Variants in SRBD1 observed in about 807,000 individuals in gnomAD.
SRBD1 encodes the protein S1 RNA-binding domain-containing protein 1.
Under a neutral mutation model 115.3 loss-of-function variants are expected in SRBD1, and 88 were observed. The observed-to-expected ratio is 0.76, with a 90% CI of 0.64 to 0.91. SRBD1 has a LOEUF of 0.91. SRBD1 is among the 40% of genes least tolerant of loss of function. The probability of loss-of-function intolerance (pLI) is 0.00; values close to 1 mark genes in which losing one functional copy is unlikely to be tolerated. For missense variants in SRBD1, 1,385 were observed against 1,177.4 expected, an observed-to-expected ratio of 1.18 and a Z score of -2.58; for synonymous variants, 509 against 407.7, an observed-to-expected ratio of 1.25 and a Z score of -2.99.
intron 19 of SRBD1, among the ~76,000 whole-genome samples, chr2:45,411,769 T>TATTAA (rs1321696777): frequency 6.6e-6 from 1 of 152,224 alleles, no homozygotes; most frequent in Non-Finnish European, 1.5e-5. Context: ...AAGTATTTAG[T>TATTAA]GCAAAGTGTA....
At chr2:45,517,152 T>A (rs1410061510) in intron 14 of SRBD1, among the ~76,000 whole-genome samples, 1 of 152,174 alleles carries the variant, frequency 6.6e-6, no homozygotes, top group Non-Finnish European at 1.5e-5. Context: ...CATATAATCA[T>A]CATAATTAAA....
chr2:45,523,158 C>T (rs1202736198), intron 14 of SRBD1, among the ~76,000 whole-genome samples: 1 of 150,202 alleles, frequency 6.7e-6, no homozygotes, highest in Non-Finnish European at 1.5e-5. Flanking sequence ...ACACAACATA[C>T]CAAAACTTAA....
rs1469251467 is a variant in SRBD1 at position 45,585,789 on chromosome 2, T to C, written c.649-15A>G. On this transcript the variant is annotated splice_polypyrimidine_tract_variant and intron_variant, in intron 4 of 20. Coordinates refer to ENST00000263736, the MANE Select transcript of SRBD1 (RefSeq NM_018079.5). ...TCAGATAAAACCTGCAAATTAAAGA[T>C]ACTTAGTGATTTAAAATGCTGAAAA... The C allele has an allele frequency of 6.4e-7, 1 of 1,568,418 alleles. No homozygotes were observed. Among genetic ancestry groups the C allele is most frequent in the Non-Finnish European group, 8.6e-7 (1 of 1,164,828 alleles).
Position 45,517,314 on chromosome 2 carries a change from A to G in SRBD1, c.1875-28983T>C, listed in dbSNP as rs531961693. The stretch of plus-strand genomic sequence containing the variant: ...GCTCTCTGTTCCTGTTTTTACGACT[A>G]TCACATTGCTTTGTAATATGTTTAA... On this transcript the variant is annotated intron_variant, in intron 14 of 20. Coordinates refer to ENST00000263736, the MANE Select transcript of SRBD1 (RefSeq NM_018079.5). Among the ~76,000 whole-genome samples, 11 of 152,316 alleles carry G rather than the reference A, an allele frequency of 7.2e-5. No homozygotes were observed. In the East Asian group the frequency reaches 2.1e-3, roughly 29 times the overall value.
At chr2:45,488,357 T>C (rs756561728) in intron 14 of SRBD1, 26 bp from the exon 15 acceptor site, 2 of 1,596,566 alleles carry the variant, frequency 1.3e-6, no homozygotes, top group South Asian at 1.1e-5. Flanking sequence ...AAGGGGAATA[T>C]CACTTTCCTA....
At chr2:45,598,322 T>C (rs753127325) in intron 4 of SRBD1, among the ~76,000 whole-genome samples, 32 of 152,112 alleles carry the variant, frequency 2.1e-4, no homozygotes, top group Non-Finnish European at 3.4e-4. Context: ...GATTAAAAAT[T>C]ACCAGTGACA....
chr2:45,587,296 T>C (rs1483396123), intron 4 of SRBD1, among the ~76,000 whole-genome samples: 1 of 148,126 alleles, frequency 6.8e-6, no homozygotes, highest in Non-Finnish European at 1.5e-5. Flanking sequence ...TACTAATATT[T>C]ACAATAATAT....
At chr2:45,399,526 G>C (rs1361492027) in intron 19 of SRBD1, among the ~76,000 whole-genome samples, 1 of 152,100 alleles carries the variant, frequency 6.6e-6, no homozygotes, top group Non-Finnish European at 1.5e-5. Flanking sequence ...ATCTCAGAGA[G>C]ATTAAGAGAC....
chr2:45,605,475 T>C, intron 1 of SRBD1, 34 bp from the exon 2 acceptor site: 1 of 1,577,248 alleles, frequency 6.3e-7, no homozygotes, highest in Non-Finnish European at 8.7e-7. Flanking sequence ...CAGCAACACT[T>C]GAATATTCTT....
chr2:45,488,467 T>C (rs1175165637), intron 14 of SRBD1, 136 bp from the exon 15 acceptor site: 2 of 605,348 alleles, frequency 3.3e-6, no homozygotes, highest in Non-Finnish European at 5.7e-6. Context: ...TCAATGATAC[T>C]GACAGCATCT....
intron 19 of SRBD1, among the ~76,000 whole-genome samples, chr2:45,410,741 A>G (rs1444015163): frequency 6.6e-6 from 1 of 152,204 alleles, no homozygotes; most frequent in Non-Finnish European, 1.5e-5. Context: ...CGAGTTGATC[A>G]CTAATGGCCA....
intron 14 of SRBD1, among the ~76,000 whole-genome samples, chr2:45,503,495 TA>T (rs1181279241): frequency 6.6e-6 from 1 of 152,216 alleles, no homozygotes; most frequent in African/African-American, 2.4e-5. Flanking sequence ...CATATTATCT[TA>T]AAAATACATT....
intron 19 of SRBD1, among the ~76,000 whole-genome samples, chr2:45,405,278 A>C (rs2103839936): frequency 6.6e-6 from 1 of 152,320 alleles, no homozygotes; most frequent in East Asian, 1.9e-4. Context: ...AGCCTAAGTT[A>C]ATGGAAAGAG....
At chr2:45,447,711 T>C (rs1217844301) in intron 16 of SRBD1, 1 of 152,220 alleles carries the variant, frequency 6.6e-6, no homozygotes, top group Non-Finnish European at 1.5e-5. Flanking sequence ...TCAAATTATT[T>C]AACAGACAGC....
intron 6 of SRBD1, 71 bp from the exon 7 acceptor site, chr2:45,580,084 T>C (rs1673302941): frequency 3.1e-6 from 4 of 1,285,082 alleles, no homozygotes; most frequent in Non-Finnish European, 1.0e-6. Flanking sequence ...GTTACAAAAT[T>C]AGAGGACATG....
chr2:45,397,398 G>A (rs1316484718), intron 19 of SRBD1, among the ~76,000 whole-genome samples: 1 of 151,940 alleles, frequency 6.6e-6, no homozygotes, highest in African/African-American at 2.4e-5. Flanking sequence ...ATTAAAAATT[G>A]AATATAAATT....
At chr2:45,466,945 G>A (rs184297866) in intron 16 of SRBD1, among the ~76,000 whole-genome samples, 1 of 152,290 alleles carries the variant, frequency 6.6e-6, no homozygotes, top group Admixed American at 6.5e-5. Context: ...AACACAGACT[G>A]TCATTGCTCA....
At chr2:45,490,641 A>T (rs1670264305) in intron 14 of SRBD1, among the ~76,000 whole-genome samples, 1 of 152,176 alleles carries the variant, frequency 6.6e-6, no homozygotes, top group African/African-American at 2.4e-5. Flanking sequence ...AAGGAACTTA[A>T]ATGGTAAATA....
chr2:45,414,983 T>TAC lies in SRBD1; in HGVS notation c.2334-1691_2334-1690insGT, dbSNP rs778778144. 2.3e-3 allele frequency among the ~76,000 whole-genome samples: 274 copies of TAC among 120,542 alleles called. 19 individuals are homozygous for TAC. The highest frequency in any genetic ancestry group is 2.8e-3 in the Non-Finnish European group (173 of 60,860). 79.1% of individuals were successfully genotyped at this position (120,542 alleles called of 152,430 possible). A position where few individuals can be genotyped will look rare whatever the true frequency, so the allele number is the denominator to read the frequency against. On this transcript the variant is annotated intron_variant, in intron 18 of 20. Transcript: ENST00000263736. Reference sequence around the variant, plus strand: ...ACACATATAGTGTGTATATAGTATGTATATACACACATATAGTGTGTATAT... The same window carrying TAC: ...ACACATATAGTGTGTATATAGTATGTACATATACACACATATAGTGTGTATAT...
Sources: allele counts gnomAD v4.1 joint callset (sites outside exome capture counted in the v4.1 genomes callset), GRCh38; gene constraint gnomAD v4.1.1; transcripts MANE v1.5; gene names NCBI Gene and HGNC (gene_info 2026-07-23, HGNC 2026-07-21).